MXRA5: variants seen among roughly 807,000 people sequenced by gnomAD.
MXRA5 encodes matrix-remodeling-associated protein 5.
In MXRA5, 41 loss-of-function variants were observed where a neutral mutation model predicts 112.5. The ratio of observed to expected loss-of-function variants is 0.36; its 90% confidence interval spans 0.28 to 0.47. The LOEUF is 0.47. Ranked by LOEUF, MXRA5 falls within the 20% of genes least tolerant of loss-of-function variation. The pLI is 0.99. For missense variants in MXRA5, 2,150 were observed against 2,251.0 expected (o/e 0.96, Z 0.91); for synonymous variants, 862 against 900.8 (o/e 0.96, Z 0.77).
chrX:3,315,060 T>C (rs1319615693), intron 6 of MXRA5, among the ~76,000 whole-genome samples: 4 of 109,453 alleles, frequency 3.7e-5, no homozygotes, highest in Non-Finnish European at 7.6e-5. Flanking sequence ...ACAGGGTTAC[T>C]TGACCTCAGC....
At position 3,310,829 on chromosome X, in the gene MXRA5, C is replaced by A. The variant is rs750024785; in HGVS notation, c.7374G>T (p.Gly2458=). 9.9e-6 allele frequency: 12 copies of A among 1,206,510 alleles called. No individual in the cohort carries two copies. The highest frequency in any genetic ancestry group is 1.3e-5 in the Non-Finnish European group (12 of 894,165). ...TGCAGTCAATCAGTTTCCGACTGCC[C>A]CCGGCTGCTATCTCCCGCACAGTGG... is the stretch of plus-strand genomic sequence containing the variant. ...PITTVREIAA[G]GSRKLIDCKA... The change falls in exon 7 of 7, where the codon GGG becomes GGT. Residue 2458 remains glycine, a synonymous_variant. Transcript: ENST00000217939.
rs767103954 is a variant in MXRA5 at position 3,311,598 on chromosome X, G to T, written c.6605C>A (p.Ala2202Asp). The change falls in exon 7 of 7, where the codon GCC becomes GAC. Residue 2202 changes from alanine to aspartate, a missense_variant. Around this residue, in one of 6 missense-constraint regions of MXRA5, gnomAD observed 1,485 missense variants for 1,471.6 expected, o/e 1.01. Transcript: ENST00000217939. ...FSFDSRIKVFANGTLVVKSVT... is the reference protein window; with the variant it reads ...FSFDSRIKVFDNGTLVVKSVT... Reference sequence around the variant, plus strand: ...TGATTTCACCACCAGGGTCCCATTGGCAAACACCTTGATTCTGCTATCAAA... The same window carrying T: ...TGATTTCACCACCAGGGTCCCATTGTCAAACACCTTGATTCTGCTATCAAA... 6.6e-5 allele frequency: 80 copies of T among 1,208,594 alleles called. No individual in the cohort carries two copies. In the South Asian group the frequency reaches 1.2e-3, roughly 19 times the overall value.
chrX:3,342,550 T>C (rs1922014531), intron 2 of MXRA5, among the ~76,000 whole-genome samples: 1 of 112,193 alleles, frequency 8.9e-6, no homozygotes, highest in African/African-American at 3.2e-5. Context: ...ATTGTTGTGG[T>C]TGGATGTTCA....
Position 3,320,820 on chromosome X carries a change from G to A in MXRA5, c.4865C>T (p.Pro1622Leu). The A allele has an allele frequency of 8.3e-7, 1 of 1,212,056 alleles. No individual in the cohort carries two copies. Among genetic ancestry groups the A allele is most frequent in the South Asian group, 1.8e-5 (1 of 56,992 alleles). The change falls in exon 5 of 7, where the codon CCT becomes CTT. Residue 1622 changes from proline to leucine, a missense_variant. Transcript: ENST00000217939. The stretch of plus-strand genomic sequence containing the variant: ...GGAAGCGCTTTGTGTGGACATTTCA[G>A]GCAGCCTCACTGTTGCTGTTGGTAG... ...PILPTATVRLPEMSTQSASRY... is the reference protein window; with the variant it reads ...PILPTATVRLLEMSTQSASRY...
rs750461792 is a variant in MXRA5 at position 3,345,338 on chromosome X, C to T, written c.-29+1177G>A. The stretch of plus-strand genomic sequence containing the variant: ...CGGGCTCCGCCTCTGGGCGCTGGAA[C>T]AAACCGGCTCCTGCAGCTCTGCAAA... On this transcript the variant is annotated intron_variant, in intron 1 of 6. Coordinates refer to ENST00000217939, the MANE Select transcript of MXRA5 (RefSeq NM_015419.4). Among the ~76,000 whole-genome samples, 3 of 112,929 alleles carry T rather than the reference C, an allele frequency of 2.7e-5. No homozygotes were observed. In the South Asian group the frequency reaches 1.1e-3, roughly 41 times the overall value.
At chrX:3,332,856 G>A in intron 2 of MXRA5, among the ~76,000 whole-genome samples, 1 of 111,801 alleles carries the variant, frequency 8.9e-6, no homozygotes, top group Non-Finnish European at 1.9e-5. Flanking sequence ...TGGGCTCATA[G>A]CTATGTGTGT....
At chrX:3,333,321 A>AAAAAAAAAAAAAAAAAAAAAAG (rs1921712503) in intron 2 of MXRA5, among the ~76,000 whole-genome samples, 1 of 103,522 alleles carries the variant, frequency 9.7e-6, no homozygotes, top group Non-Finnish European at 2.0e-5. Context: ...AAAAAAAAAA[A>AAAAAAAAAAAAAAAAAAAAAAG]AAAAAAAAAA....
At position 3,311,549 on chromosome X, in the gene MXRA5, A is replaced by G; in HGVS notation, c.6654T>C (p.Asp2218=). 1 of 1,211,598 alleles carries G rather than the reference A, an allele frequency of 8.3e-7. No individual in the cohort carries two copies. The highest frequency in any genetic ancestry group is 1.1e-6 in the Non-Finnish European group (1 of 895,543). ...CCTTATTTCGAGCTACGCACAGGTA[A>G]TCTCCGGCATCTTTGTCCGTCACTG... ...VKSVTDKDAG[D]YLCVARNKVG... Residue 2218 remains aspartate (D), a synonymous_variant, in exon 7 of 7, where the codon GAT becomes GAC. Coordinates refer to ENST00000217939, the MANE Select transcript of MXRA5 (RefSeq NM_015419.4).
In MXRA5 at chrX:3,346,482, C is replaced by A. The variant is rs186877013; in HGVS notation, c.-29+33G>T. 2.6e-4 allele frequency: 197 copies of A among 749,856 alleles called. 1 individual carries two copies. In the East Asian group the frequency reaches 0.02, roughly 76 times the overall value. 61.8% of individuals were successfully genotyped at this position (749,856 alleles called of 1,213,427 possible). On this transcript the variant is annotated intron_variant, in intron 1 of 6. Transcript: ENST00000217939. ...CACCCCCTGCAGGCAGACACGGCAG[C>A]CCTGGGGCGCCCTGGCCACCCTGGG...
At chrX:3,336,167 G>A (rs1277298681) in intron 2 of MXRA5, among the ~76,000 whole-genome samples, 1 of 111,951 alleles carries the variant, frequency 8.9e-6, no homozygotes, top group Admixed American at 9.5e-5. Context: ...CACTCCTTAT[G>A]AGAATCTAAT....
At chrX:3,331,661 G>C (rs1051772545) in intron 2 of MXRA5, among the ~76,000 whole-genome samples, 2 of 112,140 alleles carry the variant, frequency 1.8e-5, no homozygotes, top group African/African-American at 6.5e-5. Context: ...AGACATGCTA[G>C]GTTTCTTGTT....
intron 2 of MXRA5, among the ~76,000 whole-genome samples, chrX:3,342,298 C>G (rs1305770547): frequency 9.0e-6 from 1 of 110,831 alleles, no homozygotes; most frequent in Non-Finnish European, 1.9e-5. Context: ...CAGCAAACCA[C>G]CAGGGCACAC....
chrX:3,315,246 T>C (rs1256619288), intron 6 of MXRA5, among the ~76,000 whole-genome samples: 2 of 107,208 alleles, frequency 1.9e-5, no homozygotes, highest in African/African-American at 6.9e-5. Flanking sequence ...CCTTGGGGAC[T>C]AAGGAACACC....
At chrX:3,341,909 A>G (rs756031798) in intron 2 of MXRA5, among the ~76,000 whole-genome samples, 1 of 106,788 alleles carries the variant, frequency 9.4e-6, no homozygotes, top group Non-Finnish European at 1.9e-5. Context: ...AGGGTGGAGG[A>G]AAAAGAAGTT....
intron 6 of MXRA5, among the ~76,000 whole-genome samples, chrX:3,312,531 G>C (rs1249656747): frequency 9.2e-6 from 1 of 109,030 alleles, no homozygotes; most frequent in African/African-American, 3.4e-5. Context: ...TATAATGGGA[G>C]CCTTAATATT....
intron 4 of MXRA5, among the ~76,000 whole-genome samples, chrX:3,328,608 C>T (rs1484209588): frequency 9.0e-6 from 1 of 110,774 alleles, no homozygotes; most frequent in Admixed American, 9.7e-5. Context: ...TAGAATGCTC[C>T]CCCTTTCTAC....
In MXRA5 at chrX:3,318,799, A is replaced by G. The variant is rs142199859; in HGVS notation, c.5678-796T>C. On this transcript the variant is annotated intron_variant, in intron 5 of 6. Transcript: ENST00000217939. ...GAATTCAGCTAAGTGTCCATCAATGAATGAATGGATAAAGGGAATGTGGTA... is the reference window on the plus strand; with the variant it reads ...GAATTCAGCTAAGTGTCCATCAATGGATGAATGGATAAAGGGAATGTGGTA... Among the ~76,000 whole-genome samples, 34 of 112,183 alleles carry G rather than the reference A, an allele frequency of 3.0e-4. No individual in the cohort carries two copies. The East Asian group carries it at 6.4e-3, about 21-fold the overall frequency.
Position 3,320,981 on chromosome X carries a change from A to T in MXRA5, c.4704T>A (p.Phe1568Leu). Residue 1568 changes from phenylalanine (F) to leucine (L), a missense_variant, in exon 5 of 7, where the codon TTT becomes TTA. Physicochemically the swap from Phe to Leu is conservative, Grantham distance 22. Coordinates refer to ENST00000217939, the MANE Select transcript of MXRA5 (RefSeq NM_015419.4). Reference protein sequence around the residue: ...LSTPSSDQDAFNLSTKLELEK... With the variant: ...LSTPSSDQDALNLSTKLELEK... ...CCAATTCCAGCTTTGTAGACAAGTT[A>T]AATGCATCCTGGTCGGAAGAGGGTG... 1 of 1,212,054 alleles carries T rather than the reference A, an allele frequency of 8.3e-7. No individual in the cohort carries two copies. The highest frequency in any genetic ancestry group is 2.3e-4 in the Middle Eastern group (1 of 4,350).
rs375991615 is a variant in MXRA5, at chrX:3,317,605, C to T, written c.6076G>A (p.Val2026Met). ...TCCGCCCCGGCTGCATTGCTGGCCA[C>T]GCACTTATAGACGCCTCTGTCTGAG... Reference protein sequence around the residue: ...SFSDRGVYKCVASNAAGADSL... With the variant: ...SFSDRGVYKCMASNAAGADSL... The change falls in exon 6 of 7, where the codon GTG becomes ATG. Residue 2026 changes from valine (V) to methionine (M), a missense_variant. Physicochemically the swap from Val to Met is conservative, Grantham distance 21. Coordinates refer to ENST00000217939, the MANE Select transcript of MXRA5 (RefSeq NM_015419.4). 8.3e-6 allele frequency: 10 copies of T among 1,209,660 alleles called. No individual in the cohort carries two copies. In the East Asian group the frequency reaches 1.5e-4, roughly 18 times the overall value.
Sources: allele counts gnomAD v4.1 joint callset (sites outside exome capture counted in the v4.1 genomes callset), GRCh38; gene constraint gnomAD v4.1.1; regional missense constraint gnomAD v4.1.1; transcripts MANE v1.5; gene names NCBI Gene and HGNC (gene_info 2026-07-23, HGNC 2026-07-21).